PFKP: variants seen among roughly 807,000 people sequenced by gnomAD.
The protein encoded by PFKP is ATP-dependent 6-phosphofructokinase, platelet type.
A neutral mutation model predicts 94.3 loss-of-function variants in PFKP; 101 were observed. The observed-to-expected ratio is 1.07, with a 90% CI of 0.91 to 1.26. The LOEUF (loss-of-function observed/expected upper bound fraction) is 1.26, where lower values mean the gene tolerates loss of function less well. Among genes scored for constraint, PFKP ranks in the 50% most tolerant of loss-of-function variants. PFKP has a pLI of 0.00. For synonymous variants in PFKP, 573 were observed against 432.6 expected, an observed-to-expected ratio of 1.32 and a Z score of -4.03; for missense variants, 1,145 against 1,103.3, an observed-to-expected ratio of 1.04 and a Z score of -0.53.
At chr10:3,119,719 C>T (rs578006740) in intron 15 of PFKP, among the ~76,000 whole-genome samples, 173 bp from the exon 16 acceptor site, 69 of 152,284 alleles carry the variant, frequency 4.5e-4, no homozygotes, top group Non-Finnish European at 4.7e-4. Context: ...TACAACCTGC[C>T]GATCCTTGTC....
At chr10:3,123,712 G>A (rs1195903103) in intron 16 of PFKP, among the ~76,000 whole-genome samples, 1 of 152,266 alleles carries the variant, frequency 6.6e-6, no homozygotes, top group African/African-American at 2.4e-5. Flanking sequence ...AGACTCCCAC[G>A]TGGCGGTGCT....
At chr10:3,134,656 CG>C in intron 20 of PFKP, 74 bp downstream of exon 20, 1 of 934,714 alleles carries the variant, frequency 1.1e-6, no homozygotes, top group Non-Finnish European at 1.7e-6. Flanking sequence ...GCTGTCCTAT[CG>C]GGGAGAAGTA....
chr10:3,081,171 T>G (rs978506516), intron 1 of PFKP, among the ~76,000 whole-genome samples: 1 of 151,990 alleles, frequency 6.6e-6, no homozygotes, highest in Non-Finnish European at 1.5e-5. Context: ...ATCCCCAAGG[T>G]TTTTCAGCCA....
chr10:3,103,639 A>G, intron 4 of PFKP, 140 bp from the exon 5 acceptor site: 3 of 833,944 alleles, frequency 3.6e-6, no homozygotes. Context: ...AAAAATGATA[A>G]TAAAGAAATG....
In PFKP at chr10:3,115,003, G is replaced by A. The variant is rs954788658; in HGVS notation, c.1371+1485G>A. Among the ~76,000 whole-genome samples the A allele has an allele frequency of 9.1e-4, 138 of 152,200 alleles. 2 individuals are homozygous for A. The highest frequency in any genetic ancestry group is 3.9e-4 in the Admixed American group (6 of 15,284). On this transcript the variant is annotated intron_variant, in intron 13 of 21. Transcript: ENST00000381125. Reference sequence around the variant, plus strand: ...CCAGACTGGCTACTGTGCAGATGGCGAGAAACCTTCAAGGGTCTGGAGGTA... The same window carrying A: ...CCAGACTGGCTACTGTGCAGATGGCAAGAAACCTTCAAGGGTCTGGAGGTA...
chr10:3,130,113 G>C, intron 17 of PFKP, 130 bp downstream of exon 17: 1 of 790,742 alleles, frequency 1.3e-6, no homozygotes, highest in East Asian at 2.9e-5. Context: ...AACATGCCAC[G>C]CTTGATACAC....
chr10:3,124,997 C>T, intron 16 of PFKP: 1 of 980,608 alleles, frequency 1.0e-6, no homozygotes, highest in Non-Finnish European at 1.3e-6. Context: ...CCCCTGGTGA[C>T]TCAGTCCCCT....
chr10:3,093,175 T>C (rs1027730339), intron 2 of PFKP, among the ~76,000 whole-genome samples: 1 of 151,124 alleles, frequency 6.6e-6, no homozygotes. Context: ...GGCCCTGACT[T>C]CTGGGACTGT....
intron 13 of PFKP, among the ~76,000 whole-genome samples, chr10:3,115,711 A>T (rs999141945): frequency 6.6e-6 from 1 of 152,206 alleles, no homozygotes; most frequent in Non-Finnish European, 1.5e-5. Context: ...GTAGTTAAAG[A>T]TGCAGAACTC....
intron 2 of PFKP, among the ~76,000 whole-genome samples, chr10:3,096,746 C>T (rs1056536361): frequency 7.9e-5 from 12 of 151,844 alleles, no homozygotes; most frequent in Admixed American, 1.3e-4. Flanking sequence ...AAGAATGGAG[C>T]GCTCTGTTGT....
At chr10:3,089,191 C>T (rs1833858299) in intron 2 of PFKP, among the ~76,000 whole-genome samples, 1 of 152,152 alleles carries the variant, frequency 6.6e-6, no homozygotes, top group Non-Finnish European at 1.5e-5. Flanking sequence ...TCCTGGGCCT[C>T]CCAAAGTGCC....
intron 2 of PFKP, among the ~76,000 whole-genome samples, chr10:3,097,963 C>T (rs1243462794): frequency 1.7e-4 from 26 of 152,236 alleles, no homozygotes; most frequent in Non-Finnish European, 2.6e-4. Flanking sequence ...GAGCCGAGAT[C>T]GTGCCACTGC....
At chr10:3,125,336 T>C in intron 16 of PFKP, 1 of 587,358 alleles carries the variant, frequency 1.7e-6, no homozygotes, top group Non-Finnish European at 2.1e-6. Flanking sequence ...GCCGGATTTA[T>C]TCTTCTTCTT....
At chr10:3,129,722 TG>T (rs968193327) in intron 16 of PFKP, 96 bp from the exon 17 acceptor site, 17 of 1,283,578 alleles carry the variant, frequency 1.3e-5, no homozygotes, top group East Asian at 4.7e-5. Context: ...TTGGGCGCGG[TG>T]GGGGGGCCTT....
chr10:3,120,614 C>G (rs1284457175), intron 16 of PFKP, among the ~76,000 whole-genome samples: 1 of 152,126 alleles, frequency 6.6e-6, no homozygotes, highest in Non-Finnish European at 1.5e-5. Flanking sequence ...ATTGGTGCTA[C>G]TTTAGTTTTT....
chr10:3,112,431 C>T (rs777630235), intron 11 of PFKP, 145 bp downstream of exon 11: 7 of 697,874 alleles, frequency 1.0e-5, no homozygotes, highest in Non-Finnish European at 1.9e-5. Context: ...ACCGCTCTTG[C>T]AGTAGCAGGC....
intron 16 of PFKP, 142 bp from the exon 17 acceptor site, chr10:3,129,677 A>G: frequency 1.2e-6 from 1 of 840,036 alleles, no homozygotes; most frequent in Non-Finnish European, 1.9e-6. Context: ...GCTGCTGCAC[A>G]CCCTTCACCT....
chr10:3,136,421 C>G (rs372477260), intron 21 of PFKP, 29 bp from the exon 22 acceptor site: 1 of 1,611,920 alleles, frequency 6.2e-7, no homozygotes, highest in Non-Finnish European at 8.5e-7. Context: ...GACTGCAGGC[C>G]TCACTGCTGT....
At chr10:3,129,711 T>G in intron 16 of PFKP, 108 bp from the exon 17 acceptor site, 15 of 1,162,522 alleles carry the variant, frequency 1.3e-5, no homozygotes, top group Non-Finnish European at 1.6e-5. Context: ...GGACCGCATG[T>G]TTGGGCGCGG....
Sources: allele counts gnomAD v4.1 joint callset (sites outside exome capture counted in the v4.1 genomes callset), GRCh38; gene constraint gnomAD v4.1.1; transcripts MANE v1.5; gene names NCBI Gene and HGNC (gene_info 2026-07-23, HGNC 2026-07-21).